Variants in TCF3 observed in about 807,000 individuals in gnomAD.
TCF3 encodes the protein transcription factor E2-alpha.
A neutral mutation model predicts 72.3 loss-of-function variants in TCF3; 54 were observed. The observed-to-expected ratio is 0.75, with a 90% CI of 0.60 to 0.94. The LOEUF (loss-of-function observed/expected upper bound fraction) is 0.94, where lower values mean the gene tolerates loss of function less well. Ranked by LOEUF, TCF3 falls within the 40% of genes least tolerant of loss-of-function variation. TCF3 has a pLI of 0.00. For synonymous variants in TCF3, 525 were observed against 412.6 expected (o/e 1.27, Z -3.30); for missense variants, 1,078 against 934.4 (o/e 1.15, Z -2.00).
intron 18 of TCF3, among the ~76,000 whole-genome samples, chr19:1,613,307 G>C (rs779880732): frequency 6.6e-6 from 1 of 152,168 alleles, no homozygotes; most frequent in Admixed American, 6.5e-5. Flanking sequence ...CTCTAGGGGA[G>C]GCTGTGGATG....
intron 5 of TCF3, among the ~76,000 whole-genome samples, chr19:1,631,585 C>T (rs2063721466): frequency 1.3e-5 from 2 of 152,012 alleles, no homozygotes; most frequent in African/African-American, 2.4e-5. Flanking sequence ...ACGATTCTCT[C>T]GGTTAACAGG....
chr19:1,612,481 TG>T, intron 18 of TCF3: 2 of 864,460 alleles, frequency 2.3e-6, no homozygotes, highest in Non-Finnish European at 3.6e-6. Context: ...CAAGGCTGGG[TG>T]GGAGGGCAGG....
At chr19:1,627,058 C>T (rs2062972852) in intron 6 of TCF3, among the ~76,000 whole-genome samples, 1 of 152,176 alleles carries the variant, frequency 6.6e-6, no homozygotes, top group Non-Finnish European at 1.5e-5. Flanking sequence ...AGGGGGTCCA[C>T]ACCTGCAAAG....
At chr19:1,646,072 T>C (rs2066042416) in intron 3 of TCF3, among the ~76,000 whole-genome samples, 1 of 151,850 alleles carries the variant, frequency 6.6e-6, no homozygotes, top group Non-Finnish European at 1.5e-5. Context: ...GCTCCAACCC[T>C]GCGCCTAAAA....
intron 11 of TCF3, 65 bp downstream of exon 11, chr19:1,621,773 C>G (rs568960009): frequency 3.3e-5 from 49 of 1,480,792 alleles, no homozygotes; most frequent in African/African-American, 1.1e-4. Flanking sequence ...CGCCACCCCC[C>G]ACCCAGACCC....
chr19:1,648,105 G>C (rs762789872), intron 2 of TCF3, among the ~76,000 whole-genome samples: 30 of 152,200 alleles, frequency 2.0e-4, no homozygotes, highest in Non-Finnish European at 4.4e-4. Flanking sequence ...GCCTGGGTCA[G>C]GGCAGGACAA....
At chr19:1,619,269 GC>G in intron 15 of TCF3, 35 bp from the exon 16 acceptor site, 1 of 1,573,622 alleles carries the variant, frequency 6.4e-7, no homozygotes. Flanking sequence ...ATCAGGGGGA[GC>G]CGGGTCCCCG....
intron 5 of TCF3, among the ~76,000 whole-genome samples, chr19:1,627,684 C>A (rs2063069140): frequency 6.6e-6 from 1 of 152,142 alleles, no homozygotes; most frequent in Admixed American, 6.5e-5. Flanking sequence ...AAGAAGGGGT[C>A]CCCGATGATT....
rs1037666935 is a variant in TCF3, at chr19:1,621,167, C to A, written c.980G>T (p.Ser327Ile). The part of the protein sequence containing the change: ...LLGSRGTTAG[S>I]SGDALGKALA... ...TGCTTTGCCGAGGGCATCCCCGGAG[C>A]TGCCAGCTGTGGTCCCTCGGGAGCC... The change falls in exon 12 of 19, where the codon AGC (serine) becomes ATC (isoleucine). Residue 327 changes from serine (S) to isoleucine (I), a missense_variant. Transcript: ENST00000262965. The A allele has an allele frequency of 1.3e-6, 2 of 1,538,634 alleles. No individual in the cohort carries two copies. The highest frequency in any genetic ancestry group is 2.7e-5 in the African/African-American group (2 of 73,042).
At chr19:1,619,261 C>T in intron 15 of TCF3, 27 bp from the exon 16 acceptor site, 1 of 1,576,902 alleles carries the variant, frequency 6.3e-7, no homozygotes, top group Non-Finnish European at 8.6e-7. Context: ...ACGGGTGCAT[C>T]AGGGGGAGCC....
chr19:1,615,558 A>G lies in TCF3; in HGVS notation c.1587-38T>C. On this transcript the variant is annotated intron_variant, in intron 17 of 18. Coordinates refer to ENST00000262965, the MANE Select transcript of TCF3 (RefSeq NM_003200.5). The surrounding 1 kb of genome is among the most constrained non-coding windows in gnomAD (Gnocchi z 7.3). ...CGCCGGGAGGGGGCCAGAGGGAGAC[A>G]GTGAGGTTGGGGGAAGAGCGTGGGG... 1.9e-6 allele frequency: 3 copies of G among 1,604,162 alleles called. No homozygotes were observed. Among genetic ancestry groups the G allele is most frequent in the Non-Finnish European group, 1.7e-6 (2 of 1,179,518 alleles).
At chr19:1,635,065 G>C (rs561288065) in intron 3 of TCF3, among the ~76,000 whole-genome samples, 1 of 152,180 alleles carries the variant, frequency 6.6e-6, no homozygotes, top group African/African-American at 2.4e-5. Flanking sequence ...TTACCATGCC[G>C]GGCAGGCAAA....
At chr19:1,633,452 C>CCCCG in intron 3 of TCF3, among the ~76,000 whole-genome samples, 1 of 152,110 alleles carries the variant, frequency 6.6e-6, no homozygotes, top group African/African-American at 2.4e-5. Context: ...TCTGCAGGCT[C>CCCCG]CCCCGCCCCG....
Position 1,615,143 on chromosome 19 carries a change from TGAA to T in TCF3, c.1822+139_1822+141del. The T allele has an allele frequency of 1.0e-6, 1 of 999,176 alleles. No individual in the cohort carries two copies. Among genetic ancestry groups the T allele is most frequent in the African/African-American group, 1.6e-5 (1 of 60,710 alleles). The allele number at this position is 999,176 out of a possible 1,614,324, so 61.9% of individuals were successfully genotyped here. ...AGTCATGGCAATGCGGTCAGAGGGGTGAAGGGCACAGTCACTGCAAGGAGGCAA... is the reference window on the plus strand; with the variant it reads ...AGTCATGGCAATGCGGTCAGAGGGGTGGGCACAGTCACTGCAAGGAGGCAA... On this transcript the variant is annotated intron_variant, in intron 18 of 18. Transcript: ENST00000262965. The surrounding 1 kb of genome is among the most constrained non-coding windows in gnomAD (Gnocchi z 7.3).
Position 1,615,240 on chromosome 19 carries a change from G to A in TCF3, c.1822+45C>T, listed in dbSNP as rs1449362262. 1.3e-6 allele frequency: 2 copies of A among 1,533,138 alleles called. No homozygotes were observed. Among genetic ancestry groups the A allele is most frequent in the Admixed American group, 2.0e-5 (1 of 51,026 alleles). 95.0% of individuals were successfully genotyped at this position (1,533,138 alleles called of 1,614,324 possible). A position where few individuals can be genotyped will look rare whatever the true frequency, so the allele number is the denominator to read the frequency against. On this transcript the variant is annotated intron_variant, in intron 18 of 18. Transcript: ENST00000262965. The surrounding 1 kb of genome is among the most constrained non-coding windows in gnomAD (Gnocchi z 7.3). ...GGAGAACGAGGGCAGGAACACGAGG[G>A]AGGGTGGCGCTGCAGGGACGCTGGT...
Position 1,614,330 on chromosome 19 carries a change from C to G in TCF3, c.1822+955G>C, listed in dbSNP as rs1171761529. Reference sequence around the variant, plus strand: ...GGCTGCGTGCTCCCGGGTCTGGTTTCTTCCCGCAAGCCCTGACGGGGGGCT... The same window carrying G: ...GGCTGCGTGCTCCCGGGTCTGGTTTGTTCCCGCAAGCCCTGACGGGGGGCT... On this transcript the variant is annotated intron_variant, in intron 18 of 18. Transcript: ENST00000262965. This position sits in a 1 kb window ranked among gnomAD's most constrained non-coding sequence, Gnocchi z 5.6. Among the ~76,000 whole-genome samples, 1 of 152,252 alleles carries G rather than the reference C, an allele frequency of 6.6e-6. No homozygotes were observed.
intron 1 of TCF3, 171 bp from the exon 2 acceptor site, chr19:1,650,458 G>C: frequency 1.7e-6 from 1 of 576,314 alleles, no homozygotes; most frequent in Non-Finnish European, 3.1e-6. Context: ...GCAGGCGCAG[G>C]GAAGCTGGAA....
chr19:1,626,448 C>CAA (rs1416919148), intron 6 of TCF3, among the ~76,000 whole-genome samples: 13 of 132,874 alleles, frequency 9.8e-5, no homozygotes, highest in Admixed American at 2.3e-4. Flanking sequence ...AACTCCGTCT[C>CAA]AAAAAAAAAA....
At chr19:1,647,115 G>A (rs1038726097) in intron 2 of TCF3, among the ~76,000 whole-genome samples, 6 of 152,190 alleles carry the variant, frequency 3.9e-5, no homozygotes, top group African/African-American at 1.4e-4. Context: ...GCACCCCACA[G>A]CTGATCCAGC....
Sources: gnomAD v4.1 joint callset for allele counts (sites outside exome capture counted in the v4.1 genomes callset) on GRCh38, gnomAD v4.1.1 for gene constraint, Gnocchi (gnomAD v3.1) non-coding constraint, MANE v1.5 for transcripts, NCBI Gene and HGNC (gene_info 2026-07-23, HGNC 2026-07-21) for gene names.